ANXA9: variants seen among roughly 807,000 people sequenced by gnomAD.
The protein encoded by ANXA9 is annexin 31.
ANXA9 carries 47 observed loss-of-function variants against 51.8 expected under a neutral mutation model. The observed-to-expected ratio is 0.91, with a 90% CI of 0.72 to 1.16. The LOEUF (loss-of-function observed/expected upper bound fraction) is 1.16, where lower values mean the gene tolerates loss of function less well. Among genes scored for constraint, ANXA9 ranks in the 50% most tolerant of loss-of-function variants. The pLI is 0.00. For synonymous variants in ANXA9, 154 were observed against 168.7 expected, an observed-to-expected ratio of 0.91 and a Z score of 0.68; for missense variants, 361 against 424.7, an observed-to-expected ratio of 0.85 and a Z score of 1.32.
rs1671486635 is a variant in ANXA9, at chr1:150,983,972, C to T, written c.173-3C>T. 2 of 1,611,528 alleles carry T rather than the reference C, an allele frequency of 1.2e-6. No homozygotes were observed. Among genetic ancestry groups the T allele is most frequent in the Admixed American group, 1.7e-5 (1 of 59,390 alleles). On this transcript the variant is annotated splice_polypyrimidine_tract_variant and splice_region_variant and intron_variant, in intron 4 of 13. Transcript: ENST00000368947. The stretch of plus-strand genomic sequence containing the variant: ...TCACAGCACAGCCCTCATCTCGGTT[C>T]AGGCGTGGACCGCAGTGCCATTGTG...
Position 150,988,341 on chromosome 1 carries a change from G to C in ANXA9, c.852G>C (p.Gln284His), listed in dbSNP as rs200588048. The change falls in exon 12 of 14, where the codon CAG (glutamine) becomes CAC (histidine). Residue 284 changes from glutamine to histidine, a missense_variant and splice_region_variant. Gln to His is a conservative substitution (Grantham distance 24). Transcript: ENST00000368947. ...YFADKLHQALQETEPNYQVLI... is the reference protein window; with the variant it reads ...YFADKLHQALHETEPNYQVLI... ...CTGACAAACTTCATCAAGCCCTCCA[G>C]GTGAGAGGGGCACTCCTTTCCCTCC... 471 of 1,613,884 alleles carry C rather than the reference G, an allele frequency of 2.9e-4. No homozygotes were observed. Among genetic ancestry groups the C allele is most frequent in the Non-Finnish European group, 2.0e-5 (24 of 1,180,028 alleles).
At chr1:150,994,998 A>G (rs1175927958) in intron 13 of ANXA9, 2 of 263,678 alleles carry the variant, frequency 7.6e-6, no homozygotes, top group Non-Finnish European at 1.2e-5. Flanking sequence ...AGGCTGAGGC[A>G]GGAGAGTCGC....
Position 150,986,416 on chromosome 1 carries a change from G to T in ANXA9, c.552+1G>T. 6.2e-7 allele frequency: 1 copy of T among 1,613,958 alleles called. No individual in the cohort carries two copies. Among genetic ancestry groups the T allele is most frequent in the Non-Finnish European group, 8.5e-7 (1 of 1,179,860 alleles). On this transcript the variant is annotated splice_donor_variant, in intron 8 of 13. Transcript: ENST00000368947. LOFTEE classifies it high-confidence loss of function. ...GGACCTGCTGTTGGCCCTGGCCAAG[G>T]TGAGGAGGACTGACCTGCAAGGAAG...
At chr1:150,987,791 C>T (rs1671603071) in intron 9 of ANXA9, 81 bp from the exon 10 acceptor site, 2 of 1,122,178 alleles carry the variant, frequency 1.8e-6, no homozygotes. Context: ...ATGATAGATT[C>T]TGGAACGTCA....
Position 150,994,697 on chromosome 1 carries a change from C to A in ANXA9, c.973C>A (p.Gln325Lys). 1.2e-6 allele frequency: 2 copies of A among 1,613,884 alleles called. No individual in the cohort carries two copies. The highest frequency in any genetic ancestry group is 1.7e-6 in the Non-Finnish European group (2 of 1,179,806). Residue 325 changes from glutamine to lysine, a missense_variant and splice_region_variant, in exon 13 of 14, where the codon CAG becomes AAG. By Grantham distance (53) the Gln-to-Lys change is moderately conservative (BLOSUM62 1). Coordinates refer to ENST00000368947, the MANE Select transcript of ANXA9 (RefSeq NM_003568.3). Reference sequence around the variant, plus strand: ...TGGGAAGTCCCTCTACTCTTCTCTCCAGGTGAAACTTGGCTACTTCTTAGC... The same window carrying A: ...TGGGAAGTCCCTCTACTCTTCTCTCAAGGTGAAACTTGGCTACTTCTTAGC... The part of the protein sequence containing the change: ...KFGKSLYSSL[Q>K]DAVKGDCQSA...
chr1:150,988,068 T>G (rs1671610795), intron 10 of ANXA9, 23 bp from the exon 11 acceptor site: 1 of 1,613,902 alleles, frequency 6.2e-7, no homozygotes, highest in African/African-American at 1.3e-5. Flanking sequence ...TCCATCTTTC[T>G]AACTGCCTCC....
chr1:150,979,086 C>T (rs1043874049), upstream of ANXA9, among the ~76,000 whole-genome samples: 15 of 151,510 alleles, frequency 9.9e-5, no homozygotes, highest in Admixed American at 6.6e-5. Flanking sequence ...AACTGCAATC[C>T]GGCCCTGAAG....
At chr1:150,994,550 C>A (rs747358802) in intron 12 of ANXA9, 27 bp from the exon 13 acceptor site, 3 of 1,611,900 alleles carry the variant, frequency 1.9e-6, no homozygotes, top group Non-Finnish European at 2.5e-6. Context: ...TCACTAACTA[C>A]CCCCCATCTC....
At chr1:150,981,370 C>T (rs939595941), upstream of ANXA9, among the ~76,000 whole-genome samples, 1 of 152,074 alleles carries the variant, frequency 6.6e-6, no homozygotes, top group African/African-American at 2.4e-5. Flanking sequence ...CTTCTGTGCC[C>T]CGCCCCTACC....
intron 3 of ANXA9, 62 bp from the exon 4 acceptor site, chr1:150,983,276 T>C: frequency 6.2e-7 from 1 of 1,600,666 alleles, no homozygotes; most frequent in South Asian, 1.1e-5. Flanking sequence ...GCCCTGAGGT[T>C]ATGCTGAGGA....
At position 150,984,989 on chromosome 1, in the gene ANXA9, C is replaced by G. The variant is rs1017261987; in HGVS notation, c.472+313C>G. Among the ~76,000 whole-genome samples, 3 of 151,864 alleles carry G rather than the reference C, an allele frequency of 2.0e-5. 1 individual carries two copies. In the South Asian group the frequency reaches 6.2e-4, roughly 32 times the overall value. Reference sequence around the variant, plus strand: ...CCAGTCACAGGCAATAAAGGAAAACCTCATCTGTGCTAAAAATTCAAAAAA... The same window carrying G: ...CCAGTCACAGGCAATAAAGGAAAACGTCATCTGTGCTAAAAATTCAAAAAA... On this transcript the variant is annotated intron_variant, in intron 7 of 13. Coordinates refer to ENST00000368947, the MANE Select transcript of ANXA9 (RefSeq NM_003568.3).
At chr1:150,988,627 G>C (rs1305766884) in intron 12 of ANXA9, among the ~76,000 whole-genome samples, 5 of 152,216 alleles carry the variant, frequency 3.3e-5, no homozygotes, top group African/African-American at 1.2e-4. Flanking sequence ...CCTTGTGCAG[G>C]CTTAGTTGTT....
intron 12 of ANXA9, among the ~76,000 whole-genome samples, chr1:150,990,559 AAC>A (rs1436395401): frequency 6.6e-6 from 1 of 152,116 alleles, no homozygotes; most frequent in Non-Finnish European, 1.5e-5. Flanking sequence ...AAAAAGGAAA[AAC>A]TCGGGCTGGG....
chr1:150,992,584 C>T (rs1225656867), intron 12 of ANXA9, among the ~76,000 whole-genome samples: 2 of 151,758 alleles, frequency 1.3e-5, no homozygotes, highest in Admixed American at 1.3e-4. Context: ...CTGAAGCGAG[C>T]AGATCACTTG....
At position 150,984,043 on chromosome 1, in the gene ANXA9, C is replaced by A; in HGVS notation, c.241C>A (p.Arg81=). Residue 81 remains arginine, a synonymous_variant, in exon 5 of 14, where the codon CGA becomes AGA. Transcript: ENST00000368947. Reference sequence around the variant, plus strand: ...CAGAGAGCAAAGGCAGCTCATCTCACGAAACTTCCAGGAGCGCACCCAACA... The same window carrying A: ...CAGAGAGCAAAGGCAGCTCATCTCAAGAAACTTCCAGGAGCGCACCCAACA... ...RSREQRQLIS[R]NFQERTQQDL... is the part of the protein sequence containing the mutation. 1 of 1,611,484 alleles carries A rather than the reference C, an allele frequency of 6.2e-7. No individual in the cohort carries two copies. The highest frequency in any genetic ancestry group is 2.2e-5 in the East Asian group (1 of 44,874).
Position 150,983,349 on chromosome 1 carries a change from G to A in ANXA9, c.87G>A (p.Trp29Ter). 1.2e-6 allele frequency: 2 copies of A among 1,614,026 alleles called. No individual in the cohort carries two copies. The highest frequency in any genetic ancestry group is 1.6e-4 in the Middle Eastern group (1 of 6,062). The change falls in exon 4 of 14, where the codon TGG becomes TGA. Residue 29 changes from tryptophan (W) to a stop codon, truncating the protein, a stop_gained. Coordinates refer to ENST00000368947, the MANE Select transcript of ANXA9 (RefSeq NM_003568.3). LOFTEE classifies it high-confidence loss of function. ...HLGLASKTAA[W>*]GTLGTLRTFL... ...CTGTGCTCCCACAGACTGCAGCGTGGGGGACCCTGGGCACCCTCAGGACCT... is the reference window on the plus strand; with the variant it reads ...CTGTGCTCCCACAGACTGCAGCGTGAGGGACCCTGGGCACCCTCAGGACCT...
chr1:150,986,694 C>T, intron 9 of ANXA9, 33 bp downstream of exon 9: 1 of 1,551,884 alleles, frequency 6.4e-7, no homozygotes, highest in African/African-American at 1.4e-5. Context: ...TGCACAGCCG[C>T]CATGCACATA....
chr1:150,981,445 G>A (rs190050772), upstream of ANXA9, among the ~76,000 whole-genome samples: 13 of 152,336 alleles, frequency 8.5e-5, no homozygotes, highest in East Asian at 2.5e-3. Context: ...TGTGAGGCTG[G>A]AGCAGTTGCT....
chr1:150,984,052 C>T lies in ANXA9; in HGVS notation c.250C>T (p.Gln84Ter). Residue 84 changes from glutamine to a stop codon, truncating the protein, a stop_gained, in exon 5 of 14, where the codon CAG becomes TAG. Coordinates refer to ENST00000368947, the MANE Select transcript of ANXA9 (RefSeq NM_003568.3). LOFTEE classifies it high-confidence loss of function. ...EQRQLISRNFQERTQQDLMKS... is the reference protein window; with the variant it reads ...EQRQLISRNF Reference sequence around the variant, plus strand: ...AAGGCAGCTCATCTCACGAAACTTCCAGGAGCGCACCCAACAGGTGAGGCC... The same window carrying T: ...AAGGCAGCTCATCTCACGAAACTTCTAGGAGCGCACCCAACAGGTGAGGCC... 1 of 1,611,602 alleles carries T rather than the reference C, an allele frequency of 6.2e-7. No homozygotes were observed. Among genetic ancestry groups the T allele is most frequent in the Non-Finnish European group, 8.5e-7 (1 of 1,179,318 alleles).
Sources: gnomAD v4.1 joint callset for allele counts (sites outside exome capture counted in the v4.1 genomes callset) on GRCh38, gnomAD v4.1.1 for gene constraint, MANE v1.5 for transcripts, NCBI Gene and HGNC (gene_info 2026-07-23, HGNC 2026-07-21) for gene names.